Variants in NRXN1 observed in about 807,000 individuals in gnomAD.
NRXN1 encodes the protein neurexin-1.
In NRXN1, 39 loss-of-function variants were observed where a neutral mutation model predicts 150.9. The ratio of observed to expected loss-of-function variants is 0.26; its 90% CI spans 0.20 to 0.34. The LOEUF is 0.34. Among genes scored for constraint, NRXN1 ranks in the 10% least tolerant of loss-of-function variants. The probability of loss-of-function intolerance (pLI) is 1.00; values close to 1 mark genes in which losing one functional copy is unlikely to be tolerated. For synonymous variants in NRXN1, 924 were observed against 757.0 expected (o/e 1.22, Z -3.62); for missense variants, 1,815 against 1,949.9 (o/e 0.93, Z 1.30).
In NRXN1 at chr2:50,997,929, T is replaced by C. The variant is rs182740977; in HGVS notation, c.772+29573A>G. Among the ~76,000 whole-genome samples the C allele has an allele frequency of 3.1e-4, 44 of 141,780 alleles. 4 individuals carry two copies. The highest frequency in any genetic ancestry group is 3.9e-4 in the Non-Finnish European group (26 of 66,976). 93.0% of individuals were successfully genotyped at this position (141,780 alleles called of 152,430 possible). A position where few individuals can be genotyped will look rare whatever the true frequency, so the allele number is the denominator to read the frequency against. Reference sequence around the variant, plus strand: ...GATGATACACTGGTAGGTATTTATATTTTGAAGTGCCATGATGAGTTCCGA... The same window carrying C: ...GATGATACACTGGTAGGTATTTATACTTTGAAGTGCCATGATGAGTTCCGA... On this transcript the variant is annotated intron_variant, in intron 2 of 22. Coordinates refer to ENST00000401669, the MANE Select transcript of NRXN1 (RefSeq NM_001330078.2).
At chr2:49,922,806 A>G (rs1265653365) in intron 22 of NRXN1, among the ~76,000 whole-genome samples, 2 of 152,232 alleles carry the variant, frequency 1.3e-5, no homozygotes, top group Non-Finnish European at 2.9e-5. Flanking sequence ...CTTTAGTTAC[A>G]TTTTTATAAA....
At chr2:50,419,441 A>T (rs2083798547) in intron 17 of NRXN1, among the ~76,000 whole-genome samples, 1 of 152,064 alleles carries the variant, frequency 6.6e-6, no homozygotes, top group South Asian at 2.1e-4. Flanking sequence ...CCAATATTAA[A>T]AGTATTTCTT....
rs1337244813 is a variant in NRXN1 at position 49,943,809 on chromosome 2, T to C, written c.4129-18A>G. On this transcript the variant is annotated intron_variant, in intron 21 of 22. Transcript: ENST00000401669. ...TCTGTGGTCTGCAAAAGAATCACAT[T>C]CAGTAGATTAATTTAAAGGGTCCTA... The C allele has an allele frequency of 6.4e-7, 1 of 1,569,048 alleles. No homozygotes were observed. Among genetic ancestry groups the C allele is most frequent in the Non-Finnish European group, 8.8e-7 (1 of 1,141,728 alleles).
rs114210367 is a variant in NRXN1 at position 49,942,053 on chromosome 2, T to A, written c.4216+1651A>T. ...TACCAATGAAAACCAAGGCAAGATC[T>A]TAGTAAAGGGGCCTAGGATAGTGCC... is the stretch of plus-strand genomic sequence containing the variant. On this transcript the variant is annotated intron_variant, in intron 22 of 22. Coordinates refer to ENST00000401669, the MANE Select transcript of NRXN1 (RefSeq NM_001330078.2). Among the ~76,000 whole-genome samples, 348 of 152,250 alleles carry A rather than the reference T, an allele frequency of 2.3e-3. 1 individual carries two copies. The highest frequency in any genetic ancestry group is 7.8e-3 in the African/African-American group (324 of 41,542).
intron 17 of NRXN1, among the ~76,000 whole-genome samples, chr2:50,239,208 T>C (rs1198821786): frequency 6.6e-6 from 1 of 151,822 alleles, no homozygotes; most frequent in East Asian, 1.9e-4. Flanking sequence ...TTGATAAAAA[T>C]AGGACAAGAA....
At chr2:50,482,245 G>C (rs1245835283) in intron 15 of NRXN1, among the ~76,000 whole-genome samples, 2 of 152,142 alleles carry the variant, frequency 1.3e-5, no homozygotes, top group East Asian at 3.9e-4. Context: ...ATTGCTATGG[G>C]AGCGTGTAGA....
chr2:50,812,335 G>A (rs1212873961), intron 5 of NRXN1, among the ~76,000 whole-genome samples: 1 of 152,140 alleles, frequency 6.6e-6, no homozygotes, highest in South Asian at 2.1e-4. Context: ...GGTTACATAT[G>A]TGACTTCCAA....
chr2:50,561,938 G>T (rs1669147816), intron 8 of NRXN1, among the ~76,000 whole-genome samples: 1 of 152,144 alleles, frequency 6.6e-6, no homozygotes, highest in South Asian at 2.1e-4. Context: ...CATAACTTGG[G>T]GTTAAGAGTT....
chr2:50,937,260 G>A (rs1189372215), intron 2 of NRXN1, among the ~76,000 whole-genome samples: 1 of 151,998 alleles, frequency 6.6e-6, no homozygotes, highest in Admixed American at 6.6e-5. Flanking sequence ...CAAATCACAG[G>A]CTGCTTAAGA....
intron 18 of NRXN1, among the ~76,000 whole-genome samples, chr2:50,166,329 G>C (rs76135245): frequency 0.17 from 25,130 of 146,708 alleles, 2,260 homozygotes; most frequent in East Asian, 0.4. Context: ...GTGTGTTTGT[G>C]TGTGTGTGTG....
intron 5 of NRXN1, among the ~76,000 whole-genome samples, chr2:50,835,135 G>A (rs191460488): frequency 1.3e-5 from 2 of 152,208 alleles, no homozygotes; most frequent in African/African-American, 4.8e-5. Flanking sequence ...CTACCTCGTA[G>A]GTTCACCTTC....
At chr2:50,269,399 G>A (rs946821533) in intron 17 of NRXN1, among the ~76,000 whole-genome samples, 1 of 152,176 alleles carries the variant, frequency 6.6e-6, no homozygotes, top group African/African-American at 2.4e-5. Flanking sequence ...AGTATGCACT[G>A]TATTTCCCAA....
chr2:50,473,160 T>C (rs1421461803), intron 15 of NRXN1, among the ~76,000 whole-genome samples: 2 of 151,940 alleles, frequency 1.3e-5, no homozygotes, highest in Non-Finnish European at 2.9e-5. Context: ...CATAAGTGGA[T>C]ATTGCATCCT....
At chr2:50,957,653 A>G (rs1169873723) in intron 2 of NRXN1, among the ~76,000 whole-genome samples, 1 of 152,198 alleles carries the variant, frequency 6.6e-6, no homozygotes, top group African/African-American at 2.4e-5. Context: ...AATTTAGGCC[A>G]AAGTTTTAAA....
At chr2:50,435,178 G>C (rs917894728) in intron 17 of NRXN1, among the ~76,000 whole-genome samples, 5 of 152,094 alleles carry the variant, frequency 3.3e-5, no homozygotes, top group Non-Finnish European at 5.9e-5. Flanking sequence ...GAATAACTAA[G>C]AAGATTCTGC....
intron 17 of NRXN1, among the ~76,000 whole-genome samples, chr2:50,426,054 G>C (rs1468371222): frequency 6.6e-6 from 1 of 152,198 alleles, no homozygotes; most frequent in African/African-American, 2.4e-5. Context: ...TGTACCTACA[G>C]CTTTTGTGAT....
At chr2:50,217,972 C>T (rs914159098) in intron 18 of NRXN1, among the ~76,000 whole-genome samples, 1 of 151,958 alleles carries the variant, frequency 6.6e-6, no homozygotes, top group African/African-American at 2.4e-5. Context: ...CTCAATTTAG[C>T]TCATTATTTC....
In NRXN1 at chr2:50,638,778, C is replaced by T. The variant is rs570989548; in HGVS notation, c.833-15163G>A. On this transcript the variant is annotated intron_variant, in intron 5 of 22. Coordinates refer to ENST00000401669, the MANE Select transcript of NRXN1 (RefSeq NM_001330078.2). ...AAAATATTTGATATATTTTATAGCCCATGCTTGAAATAAGTTGTCTCCTCC... is the reference window on the plus strand; with the variant it reads ...AAAATATTTGATATATTTTATAGCCTATGCTTGAAATAAGTTGTCTCCTCC... 2.2e-4 allele frequency among the ~76,000 whole-genome samples: 34 copies of T among 152,198 alleles called. No individual in the cohort carries two copies. The South Asian group carries it at 2.3e-3, about 10-fold the overall frequency.
At chr2:50,249,435 T>C (rs1289884942) in intron 17 of NRXN1, among the ~76,000 whole-genome samples, 3 of 151,978 alleles carry the variant, frequency 2.0e-5, no homozygotes, top group African/African-American at 7.3e-5. Flanking sequence ...CAGAAATATA[T>C]TGCTGGAGAC....
Sources: gnomAD v4.1 joint callset for allele counts (sites outside exome capture counted in the v4.1 genomes callset) on GRCh38, gnomAD v4.1.1 for gene constraint, MANE v1.5 for transcripts, NCBI Gene and HGNC (gene_info 2026-07-23, HGNC 2026-07-21) for gene names.